Variants in BTLA observed in about 807,000 individuals in gnomAD.
The protein encoded by BTLA is B- and T-lymphocyte attenuator.
In BTLA, 11 loss-of-function variants were observed where a neutral mutation model predicts 25.0. The ratio of observed to expected loss-of-function variants is 0.44; its 90% confidence interval spans 0.28 to 0.73. BTLA has a LOEUF of 0.73. Ranked by LOEUF, BTLA falls within the 30% of genes least tolerant of loss-of-function variation. The probability of loss-of-function intolerance (pLI) is 0.15; values close to 1 mark genes in which losing one functional copy is unlikely to be tolerated. For missense variants in BTLA, 282 were observed against 332.8 expected (o/e 0.85, Z 1.19); for synonymous variants, 104 against 119.8 (o/e 0.87, Z 0.86).
intron 1 of BTLA, among the ~76,000 whole-genome samples, chr3:112,484,750 T>C (rs1019743374): frequency 1.3e-5 from 2 of 152,228 alleles, no homozygotes; most frequent in African/African-American, 2.4e-5. Flanking sequence ...TAGCTTTTTG[T>C]GTTGGTGGCA....
intron 2 of BTLA, among the ~76,000 whole-genome samples, chr3:112,475,856 T>C (rs533441675): frequency 3.3e-5 from 5 of 152,244 alleles, no homozygotes; most frequent in African/African-American, 7.2e-5. Flanking sequence ...CTAGAATTAA[T>C]ATTTTGCAGA....
At chr3:112,485,631 T>C (rs2082342714) in intron 1 of BTLA, among the ~76,000 whole-genome samples, 1 of 152,014 alleles carries the variant, frequency 6.6e-6, no homozygotes, top group Non-Finnish European at 1.5e-5. Context: ...TGGAGCGATC[T>C]CGGTTCACTG....
At chr3:112,485,765 G>A (rs2082343667) in intron 1 of BTLA, among the ~76,000 whole-genome samples, 1 of 152,090 alleles carries the variant, frequency 6.6e-6, no homozygotes, top group South Asian at 2.1e-4. Flanking sequence ...CATATCTGAT[G>A]ACAGGAAATT....
chr3:112,485,102 T>C (rs1376021698), intron 1 of BTLA, among the ~76,000 whole-genome samples: 1 of 152,172 alleles, frequency 6.6e-6, no homozygotes, highest in Non-Finnish European at 1.5e-5. Context: ...TGGAGTACAG[T>C]GATGCAATTT....
rs1220340030 is a variant in BTLA at position 112,465,156 on chromosome 3, G to A, written c.*952C>T. On this transcript the variant is annotated 3_prime_UTR_variant, in exon 5 of 5. Transcript: ENST00000334529. ...TTAGTAAGAAGAACAGCAAGATGCAGATGTGGTGAATGAAAGCAAATTGAC... is the reference window on the plus strand; with the variant it reads ...TTAGTAAGAAGAACAGCAAGATGCAAATGTGGTGAATGAAAGCAAATTGAC... The A allele has an allele frequency of 6.6e-6, 1 of 152,546 alleles. No homozygotes were observed. The highest frequency in any genetic ancestry group is 1.5e-5 in the Non-Finnish European group (1 of 68,016). The allele number at this position is 152,546 out of a possible 1,614,324, so 9.4% of individuals were successfully genotyped here.
chr3:112,476,961 T>C (rs2107318031), intron 2 of BTLA, among the ~76,000 whole-genome samples: 1 of 152,320 alleles, frequency 6.6e-6, no homozygotes. Context: ...TTTCTTCTTT[T>C]ACTTAGCGTA....
rs2082306367 is a variant in BTLA at position 112,479,525 on chromosome 3, C to T, written c.333G>A (p.Gly111=). The part of the protein sequence containing the change: ...HFEPVLPNDN[G]SYRCSANFQS... ...GAAAATTTGCAGAACAGCGGTATGA[C>T]CCATTGTCATTAGGAAGCACTGGTT... is the stretch of plus-strand genomic sequence containing the variant. Residue 111 remains glycine (G), a synonymous_variant, in exon 2 of 5, where the codon GGG becomes GGA. Transcript: ENST00000334529. 2 of 1,613,960 alleles carry T rather than the reference C, an allele frequency of 1.2e-6. No individual in the cohort carries two copies. The highest frequency in any genetic ancestry group is 8.5e-7 in the Non-Finnish European group (1 of 1,179,964).
intron 4 of BTLA, 40 bp from the exon 5 acceptor site, chr3:112,466,423 G>A (rs1176409002): frequency 1.4e-5 from 21 of 1,508,834 alleles, no homozygotes; most frequent in Non-Finnish European, 1.7e-5. Context: ...GACACTTACG[G>A]CCATGGTAGT....
intron 2 of BTLA, among the ~76,000 whole-genome samples, chr3:112,475,936 C>A (rs2082286448): frequency 6.6e-6 from 1 of 152,036 alleles, no homozygotes; most frequent in Non-Finnish European, 1.5e-5. Context: ...AATATTTTGT[C>A]TCATTAATGT....
At chr3:112,490,221 T>C (rs918931985) in intron 1 of BTLA, among the ~76,000 whole-genome samples, 2 of 152,206 alleles carry the variant, frequency 1.3e-5, no homozygotes, top group Non-Finnish European at 2.9e-5. Flanking sequence ...GGTATTACTT[T>C]AACTCTGTGG....
intron 1 of BTLA, among the ~76,000 whole-genome samples, chr3:112,484,434 T>G (rs2082335401): frequency 6.6e-6 from 1 of 152,196 alleles, no homozygotes; most frequent in African/African-American, 2.4e-5. Context: ...TCCCCCAGTT[T>G]TGCTGGTCCT....
At chr3:112,487,906 C>T (rs2082357076) in intron 1 of BTLA, among the ~76,000 whole-genome samples, 1 of 152,170 alleles carries the variant, frequency 6.6e-6, no homozygotes. Flanking sequence ...AAGCCAACCC[C>T]CAGGCAAATT....
chr3:112,485,419 T>C (rs1200166115), intron 1 of BTLA, among the ~76,000 whole-genome samples: 1 of 152,220 alleles, frequency 6.6e-6, no homozygotes, highest in African/African-American at 2.4e-5. Context: ...GAATTATGCA[T>C]ATCCATCTTA....
chr3:112,495,878 G>A (rs1490183393), intron 1 of BTLA, among the ~76,000 whole-genome samples: 1 of 152,134 alleles, frequency 6.6e-6, no homozygotes, highest in African/African-American at 2.4e-5. Flanking sequence ...GGACCATACT[G>A]GACCATCATA....
At position 112,496,902 on chromosome 3, in the gene BTLA, A is replaced by AT. The variant is rs772650767; in HGVS notation, c.88+2368dup. Among the ~76,000 whole-genome samples the AT allele has an allele frequency of 4.6e-5, 7 of 152,064 alleles. No individual in the cohort carries two copies. The East Asian group carries it at 1.4e-3, about 30-fold the overall frequency. On this transcript the variant is annotated intron_variant, in intron 1 of 4. Transcript: ENST00000334529. ...CCCAACACACCCAGCAAATTTTTAT[A>AT]TTTTTAGTAGAGACGGGGTTTCACC...
intron 1 of BTLA, among the ~76,000 whole-genome samples, chr3:112,492,160 T>C (rs1262863348): frequency 6.6e-6 from 1 of 152,212 alleles, no homozygotes; most frequent in African/African-American, 2.4e-5. Context: ...TCATATGCAT[T>C]GCACTCCTTA....
In BTLA at chr3:112,469,607, GTATATATATATATATA is replaced by G. The variant is rs60258722; in HGVS notation, c.594+135_594+150del. On this transcript the variant is annotated intron_variant, in intron 4 of 4. Transcript: ENST00000334529. ...TTCACATTTTTAAAAATGGGTCTATGTATATATATATATATATATATATATATATATATATATATAT... is the reference window on the plus strand; with the variant it reads ...TTCACATTTTTAAAAATGGGTCTATGTATATATATATATATATATATATAT... 3.8e-4 allele frequency: 22 copies of G among 58,426 alleles called. 1 individual carries two copies. Among genetic ancestry groups the G allele is most frequent in the African/African-American group, 1.3e-3 (18 of 14,030 alleles). 3.6% of individuals were successfully genotyped at this position (58,426 alleles called of 1,614,324 possible).
At chr3:112,485,313 G>A (rs1189973947) in intron 1 of BTLA, among the ~76,000 whole-genome samples, 1 of 152,092 alleles carries the variant, frequency 6.6e-6, no homozygotes, top group African/African-American at 2.4e-5. Flanking sequence ...ACAAAGTGCT[G>A]GGATTACAGG....
Position 112,479,724 on chromosome 3 carries a change from T to C in BTLA, c.134A>G (p.Glu45Gly), listed in dbSNP as rs2082307582. 2 of 1,613,546 alleles carry C rather than the reference T, an allele frequency of 1.2e-6. No individual in the cohort carries two copies. The change falls in exon 2 of 5, where the codon GAA (glutamate) becomes GGA (glycine). Residue 45 changes from glutamate (E) to glycine (G), a missense_variant. By Grantham distance (98) the Glu-to-Gly change is moderately conservative (BLOSUM62 -2). Around this residue, in one of 2 missense-constraint regions of BTLA, gnomAD observed 163 missense variants for 230.4 expected, o/e 0.71. Coordinates refer to ENST00000334529, the MANE Select transcript of BTLA (RefSeq NM_181780.4). ...DVQLYIKRQS[E>G]HSILAGDPFE... ...GGGATCTCCTGCTAAGATGGAGTGTTCAGATTGTCTCTTTATATAAAGCTG... is the reference window on the plus strand; with the variant it reads ...GGGATCTCCTGCTAAGATGGAGTGTCCAGATTGTCTCTTTATATAAAGCTG...
Sources: gnomAD v4.1 joint callset for allele counts (sites outside exome capture counted in the v4.1 genomes callset) on GRCh38, gnomAD v4.1.1 for gene constraint, gnomAD v4.1.1 regional missense constraint, MANE v1.5 for transcripts, NCBI Gene and HGNC (gene_info 2026-07-23, HGNC 2026-07-21) for gene names.